The following MACROD2 variants were observed in gnomAD, a reference collection of about 807,000 sequenced individuals.
MACROD2 encodes mono-ADP ribosylhydrolase 2, also known as ADP-ribose glycohydrolase MACROD2.
Under a neutral mutation model 70.4 loss-of-function variants are expected in MACROD2, and 36 were observed. The observed-to-expected ratio is 0.51, with a 90% CI of 0.39 to 0.68. MACROD2 has a LOEUF of 0.68. Among genes scored for constraint, MACROD2 ranks in the 30% least tolerant of loss-of-function variants. The pLI is 0.00. For missense variants in MACROD2, 496 were observed against 538.4 expected, an observed-to-expected ratio of 0.92 and a Z score of 0.78; for synonymous variants, 172 against 178.8, an observed-to-expected ratio of 0.96 and a Z score of 0.30.
chr20:15,358,580 T>TTA (rs1435009663), intron 6 of MACROD2, among the ~76,000 whole-genome samples: 1 of 152,148 alleles, frequency 6.6e-6, no homozygotes, highest in African/African-American at 2.4e-5. Context: ...GTTCATATAA[T>TTA]TATATATATT....
chr20:14,645,951 A>T (rs187896967), intron 4 of MACROD2, among the ~76,000 whole-genome samples: 11 of 151,964 alleles, frequency 7.2e-5, no homozygotes, highest in Admixed American at 5.9e-4. Context: ...ACTCCCTGGC[A>T]TATTTTTTAT....
chr20:15,869,238 T>TATATAGAGAGAGAGAGAGAGAGAGAGAG, intron 9 of MACROD2, among the ~76,000 whole-genome samples: 5 of 28,296 alleles, frequency 1.8e-4, no homozygotes, highest in Admixed American at 4.9e-4. Context: ...TATATATATA[T>TATATAGAGAGAGAGAGAGAGAGAGAGAG]AGAGAGAGAG....
intron 3 of MACROD2, among the ~76,000 whole-genome samples, chr20:14,386,683 C>T (rs993472451): frequency 6.6e-6 from 1 of 152,158 alleles, no homozygotes; most frequent in African/African-American, 2.4e-5. Flanking sequence ...TATAAGTTTC[C>T]TAAGGTCTCA....
intron 6 of MACROD2, among the ~76,000 whole-genome samples, chr20:15,401,042 CTTTT>C (rs11337547): frequency 6.9e-6 from 1 of 145,034 alleles, no homozygotes. Context: ...GCAGCTTGTT[CTTTT>C]TTTTTTTTTG....
chr20:15,170,264 T>C (rs1444835495), intron 5 of MACROD2, among the ~76,000 whole-genome samples: 3 of 152,188 alleles, frequency 2.0e-5, no homozygotes, highest in Non-Finnish European at 2.9e-5. Flanking sequence ...AAAAACCACA[T>C]GAATATTATG....
At chr20:16,007,166 A>G (rs2066800433) in intron 15 of MACROD2, among the ~76,000 whole-genome samples, 1 of 152,258 alleles carries the variant, frequency 6.6e-6, no homozygotes, top group African/African-American at 2.4e-5. Flanking sequence ...ACAAAAAGAT[A>G]TAAGCAGGGT....
intron 3 of MACROD2, among the ~76,000 whole-genome samples, chr20:14,387,273 T>C (rs1213726898): frequency 6.6e-6 from 1 of 152,232 alleles, no homozygotes; most frequent in Non-Finnish European, 1.5e-5. Context: ...TATCATAATG[T>C]AGTAAGTGTG....
intron 3 of MACROD2, among the ~76,000 whole-genome samples, chr20:14,318,688 C>T (rs1601468781): frequency 6.6e-6 from 1 of 152,016 alleles, no homozygotes; most frequent in African/African-American, 2.4e-5. Context: ...GAGTTTCCAC[C>T]CACCTCTTAT....
intron 5 of MACROD2, among the ~76,000 whole-genome samples, chr20:14,769,284 G>C (rs2072134062): frequency 6.6e-6 from 1 of 152,018 alleles, no homozygotes; most frequent in South Asian, 2.1e-4. Flanking sequence ...ATTTCTTCTG[G>C]AATATTTTCT....
chr20:15,338,861 T>C (rs1431647358), intron 6 of MACROD2, among the ~76,000 whole-genome samples: 1 of 137,422 alleles, frequency 7.3e-6, no homozygotes, highest in Non-Finnish European at 1.5e-5. Flanking sequence ...TTATGGTTCA[T>C]TTTAAAATAC....
At chr20:14,769,303 A>G (rs758044998) in intron 5 of MACROD2, among the ~76,000 whole-genome samples, 3 of 152,084 alleles carry the variant, frequency 2.0e-5, no homozygotes, top group Non-Finnish European at 4.4e-5. Flanking sequence ...CTGGTAGTGT[A>G]TCTTATTTCT....
chr20:15,529,972 TTGAG>T (rs2047775165), intron 8 of MACROD2, among the ~76,000 whole-genome samples: 1 of 152,080 alleles, frequency 6.6e-6, no homozygotes, highest in Non-Finnish European at 1.5e-5. Flanking sequence ...TAGAAGAAAT[TTGAG>T]TGAGGACATG....
chr20:15,047,496 G>A (rs952116403), intron 5 of MACROD2, among the ~76,000 whole-genome samples: 1 of 152,182 alleles, frequency 6.6e-6, no homozygotes, highest in Non-Finnish European at 1.5e-5. Context: ...TAACTCATTT[G>A]TGTCAGGGTA....
At chr20:14,945,711 A>G (rs750212114) in intron 5 of MACROD2, among the ~76,000 whole-genome samples, 1 of 152,146 alleles carries the variant, frequency 6.6e-6, no homozygotes, top group Non-Finnish European at 1.5e-5. Flanking sequence ...AGACAAAAGC[A>G]AGCATGTGAC....
chr20:15,506,968 G>T (rs2047433342), intron 8 of MACROD2, among the ~76,000 whole-genome samples: 1 of 152,106 alleles, frequency 6.6e-6, no homozygotes, highest in Non-Finnish European at 1.5e-5. Context: ...AAAATAAATT[G>T]CAGCTTTGAA....
At chr20:15,602,686 G>A (rs1441514708) in intron 8 of MACROD2, among the ~76,000 whole-genome samples, 2 of 152,218 alleles carry the variant, frequency 1.3e-5, no homozygotes, top group African/African-American at 2.4e-5. Context: ...CTTGAGGAGA[G>A]AGTAGTGGAG....
intron 7 of MACROD2, among the ~76,000 whole-genome samples, chr20:15,439,196 G>A (rs764688703): frequency 6.6e-6 from 1 of 152,104 alleles, no homozygotes; most frequent in Non-Finnish European, 1.5e-5. Context: ...GCCCTGTTCT[G>A]ACTTCTCCGA....
intron 6 of MACROD2, among the ~76,000 whole-genome samples, chr20:15,230,867 T>C (rs6131652): frequency 0.18 from 27,506 of 152,058 alleles, 3,072 homozygotes; most frequent in South Asian, 0.26. Context: ...ATAAGTTAAT[T>C]TGGCTGGAAT....
chr20:14,726,129 T>C (rs754195630), intron 5 of MACROD2, among the ~76,000 whole-genome samples: 1 of 152,204 alleles, frequency 6.6e-6, no homozygotes, highest in Non-Finnish European at 1.5e-5. Context: ...GATGAACTCA[T>C]TGAAGCATAT....
Sources: allele counts gnomAD v4.1 joint callset (sites outside exome capture counted in the v4.1 genomes callset), GRCh38; gene constraint gnomAD v4.1.1; transcripts MANE v1.5; gene names NCBI Gene and HGNC (gene_info 2026-07-23, HGNC 2026-07-21).